The following CYBA variants were observed in gnomAD, a reference collection of about 807,000 sequenced individuals.
CYBA encodes cytochrome b-245 alpha chain.
In CYBA, 21 loss-of-function variants were observed where a neutral mutation model predicts 20.8. The ratio of observed to expected loss-of-function variants is 1.01; its 90% CI spans 0.72 to 1.46. The LOEUF (loss-of-function observed/expected upper bound fraction) is 1.46. Ranked by LOEUF, CYBA falls within the 40% of genes most tolerant of loss-of-function variation. The pLI is 0.00. For synonymous variants in CYBA, 164 were observed against 127.5 expected (o/e 1.29, Z -1.93); for missense variants, 344 against 287.0 (o/e 1.20, Z -1.43).
Position 88,643,666 on chromosome 16 carries a change from A to G in CYBA, c.370-95T>C. ...CCCACCCCGCTAGGGGCCCTGGGAC[A>G]GGCTCAAGTCTGAATCCCACGCAGG... On this transcript the variant is annotated intron_variant, in intron 5 of 5. Transcript: ENST00000261623. This position sits in a 1 kb window ranked among gnomAD's most constrained non-coding sequence, Gnocchi z 4.3. 8.5e-6 allele frequency: 10 copies of G among 1,181,186 alleles called. No homozygotes were observed. Among genetic ancestry groups the G allele is most frequent in the Non-Finnish European group, 1.1e-5 (9 of 842,968 alleles). The allele number at this position is 1,181,186 out of a possible 1,614,324, so 73.2% of individuals were successfully genotyped here.
At chr16:88,645,246 G>C in intron 5 of CYBA, 1 of 702,432 alleles carries the variant, frequency 1.4e-6, no homozygotes, top group Non-Finnish European at 2.6e-6. Context: ...ATGAGCACTT[G>C]GCAACAGGAA....
Position 88,643,714 on chromosome 16 carries a change from A to G in CYBA, c.370-143T>C, listed in dbSNP as rs1168523270. On this transcript the variant is annotated intron_variant, in intron 5 of 5. Coordinates refer to ENST00000261623, the MANE Select transcript of CYBA (RefSeq NM_000101.4). This position sits in a 1 kb window ranked among gnomAD's most constrained non-coding sequence, Gnocchi z 4.3. ...AGGATGGTGTGACTGCCACTCAGAG[A>G]GGTTAAGTGACGCGCCCGAGGCCAC... The G allele has an allele frequency of 3.7e-6, 3 of 810,446 alleles. No homozygotes were observed. The highest frequency in any genetic ancestry group is 5.9e-6 in the Non-Finnish European group (3 of 508,286). The allele number at this position is 810,446 out of a possible 1,614,324, so 50.2% of individuals were successfully genotyped here. A position where few individuals can be genotyped will look rare whatever the true frequency, so the allele number is the denominator to read the frequency against.
chr16:88,646,781 G>A lies in CYBA; in HGVS notation c.261C>T (p.Tyr87=), dbSNP rs779809359. ...VKLFGPFTRN[Y]YVRAVLHLLL... ...GGAGATGCAGGACGGCCCGAACATA[G>A]TAATTCCTGGTAAAGGGCCCGAACA... The change falls in exon 4 of 6, where the codon TAC becomes TAT. Residue 87 remains tyrosine (Y), a synonymous_variant. Coordinates refer to ENST00000261623, the MANE Select transcript of CYBA (RefSeq NM_000101.4). 1.2e-6 allele frequency: 2 copies of A among 1,613,964 alleles called. No homozygotes were observed. The highest frequency in any genetic ancestry group is 2.2e-5 in the East Asian group (1 of 44,884).
intron 1 of CYBA, among the ~76,000 whole-genome samples, chr16:88,649,874 C>A (rs1004427851): frequency 1.3e-5 from 2 of 152,296 alleles, no homozygotes; most frequent in Admixed American, 1.3e-4. Context: ...GCCCTCAGTC[C>A]GTCTACTTCC....
In CYBA at chr16:88,643,366, T is replaced by G; in HGVS notation, c.575A>C (p.Asp192Ala). The G allele has an allele frequency of 6.5e-7, 1 of 1,527,100 alleles. No homozygotes were observed. The highest frequency in any genetic ancestry group is 8.8e-7 in the Non-Finnish European group (1 of 1,139,504). 94.6% of individuals were successfully genotyped at this position (1,527,100 alleles called of 1,614,324 possible). The change falls in exon 6 of 6, where the codon GAC (aspartate) becomes GCC (alanine). Residue 192 changes from aspartate (D) to alanine (A), a missense_variant. Asp to Ala is a moderately radical substitution (Grantham distance 126). Coordinates refer to ENST00000261623, the MANE Select transcript of CYBA (RefSeq NM_000101.4). This position sits in a 1 kb window ranked among gnomAD's most constrained non-coding sequence, Gnocchi z 4.3. ...GPQVNPIPVT[D>A]EVV ...TCCGGGGCGAGGTCACACGACCTCGTCGGTCACCGGGATGGGGTTGACCTG... is the reference window on the plus strand; with the variant it reads ...TCCGGGGCGAGGTCACACGACCTCGGCGGTCACCGGGATGGGGTTGACCTG...
rs179363892 is a variant in CYBA, at chr16:88,646,774, G to A, written c.268C>T (p.Arg90Trp). Residue 90 changes from arginine (R) to tryptophan (W), a missense_variant, in exon 4 of 6, where the codon CGG (arginine) becomes TGG (tryptophan). Physicochemically the swap from Arg to Trp is moderately radical, Grantham distance 101. Transcript: ENST00000261623. ...FGPFTRNYYV[R>W]AVLHLLLSVP... ...ACTCACAGGAGATGCAGGACGGCCC[G>A]AACATAGTAATTCCTGGTAAAGGGC... 102 of 1,613,750 alleles carry A rather than the reference G, an allele frequency of 6.3e-5. No individual in the cohort carries two copies. The highest frequency in any genetic ancestry group is 7.5e-5 in the Non-Finnish European group (89 of 1,179,930).
chr16:88,645,717 G>C (rs780600943), intron 5 of CYBA: 5 of 546,670 alleles, frequency 9.1e-6, no homozygotes, highest in African/African-American at 1.9e-5. Flanking sequence ...CACCGCCCAT[G>C]AATCAGCGCG....
Position 88,647,001 on chromosome 16 carries a change from T to C in CYBA, c.203+100A>G. On this transcript the variant is annotated intron_variant, in intron 3 of 5. Coordinates refer to ENST00000261623, the MANE Select transcript of CYBA (RefSeq NM_000101.4). The stretch of plus-strand genomic sequence containing the variant: ...TACCCACAAGCACCAAAGGGTTGGT[T>C]CCGGAGCCTCCAAGTGAGAAACCAA... The C allele has an allele frequency of 1.6e-5, 20 of 1,274,346 alleles. No homozygotes were observed. In the South Asian group the frequency reaches 2.3e-4, roughly 15 times the overall value. The allele number at this position is 1,274,346 out of a possible 1,614,324, so 78.9% of individuals were successfully genotyped here. A position where few individuals can be genotyped will look rare whatever the true frequency, so the allele number is the denominator to read the frequency against.
intron 3 of CYBA, 36 bp from the exon 4 acceptor site, chr16:88,646,874 G>A (rs757087640): frequency 1.9e-6 from 3 of 1,560,544 alleles, no homozygotes; most frequent in Non-Finnish European, 2.6e-6. Flanking sequence ...GCGCGGCTGG[G>A]CCTCTCCCAC....
chr16:88,646,123 T>C lies in CYBA; in HGVS notation c.362A>G (p.Tyr121Cys). 1 of 1,552,922 alleles carries C rather than the reference T, an allele frequency of 6.4e-7. No homozygotes were observed. ...TACLAIASGIYLLAAVRGEQW... is the reference protein window; with the variant it reads ...TACLAIASGICLLAAVRGEQW... ...TCAGAGGGCGCCACTCACCAGTAGG[T>C]AGATGCCGCTCGCAATGGCCAGGCA... The change falls in exon 5 of 6, where the codon TAC (tyrosine) becomes TGC (cysteine). Residue 121 changes from tyrosine to cysteine, a missense_variant. Coordinates refer to ENST00000261623, the MANE Select transcript of CYBA (RefSeq NM_000101.4).
Position 88,645,911 on chromosome 16 carries a change from T to C in CYBA, c.369+205A>G, listed in dbSNP as rs12709102. ...GGGTTAATGAGGAAATGCAAGGAAA[T>C]GACCCGACACACTAGACACGCCAAA... On this transcript the variant is annotated intron_variant, in intron 5 of 5. Transcript: ENST00000261623. The C allele has an allele frequency of 0.37, 218,369 of 595,550 alleles. 42,953 individuals carry two copies. Among genetic ancestry groups the C allele is most frequent in the Non-Finnish European group, 0.42 (138,905 of 331,812 alleles). 36.9% of individuals were successfully genotyped at this position (595,550 alleles called of 1,614,324 possible).
intron 1 of CYBA, 175 bp downstream of exon 1, chr16:88,650,781 A>G (rs1907493231): frequency 1.5e-6 from 1 of 675,632 alleles, no homozygotes; most frequent in East Asian, 2.7e-5. Flanking sequence ...TCCTCCTTCC[A>G]GCCCGCGGCC....
At chr16:88,645,072 C>G (rs1907226897) in intron 5 of CYBA, 1 of 660,230 alleles carries the variant, frequency 1.5e-6, no homozygotes, top group African/African-American at 1.8e-5. Flanking sequence ...GCAGCTGAGC[C>G]CGGCAGGGTG....
At chr16:88,644,621 C>G (rs1266346763) in intron 5 of CYBA, 1 of 161,858 alleles carries the variant, frequency 6.2e-6, no homozygotes, top group African/African-American at 2.4e-5. Flanking sequence ...TCAAGGAGAT[C>G]CAGACCATCC....
chr16:88,646,508 G>A, intron 4 of CYBA: 2 of 698,610 alleles, frequency 2.9e-6, no homozygotes, highest in Non-Finnish European at 5.2e-6. Context: ...CCCCCCAGCA[G>A]TGCATGCTGA....
intron 1 of CYBA, among the ~76,000 whole-genome samples, chr16:88,649,580 C>G (rs1390236201): frequency 6.6e-6 from 1 of 152,228 alleles, no homozygotes; most frequent in East Asian, 1.9e-4. Context: ...GCTGCACGGT[C>G]TGGAAGGACC....
chr16:88,649,754 C>T (rs530467517), intron 1 of CYBA, among the ~76,000 whole-genome samples: 36 of 152,282 alleles, frequency 2.4e-4, no homozygotes, highest in East Asian at 7.7e-4. Context: ...GAGGCCAGGG[C>T]GGGCAGTGCA....
At chr16:88,645,932 C>CT in intron 5 of CYBA, 184 bp downstream of exon 5, 2 of 612,808 alleles carry the variant, frequency 3.3e-6, no homozygotes, top group Non-Finnish European at 5.9e-6. Flanking sequence ...ACTAGACACG[C>CT]CAAAAATGGC....
intron 5 of CYBA, 186 bp downstream of exon 5, chr16:88,645,930 C>A: frequency 1.6e-6 from 1 of 611,790 alleles, no homozygotes; most frequent in Non-Finnish European, 2.9e-6. Context: ...ACACTAGACA[C>A]GCCAAAAATG....
Sources: allele counts gnomAD v4.1 joint callset (sites outside exome capture counted in the v4.1 genomes callset), GRCh38; gene constraint gnomAD v4.1.1; non-coding constraint Gnocchi (gnomAD v3.1); transcripts MANE v1.5; gene names NCBI Gene and HGNC (gene_info 2026-07-23, HGNC 2026-07-21).